Variants in ATP1B3 observed in about 807,000 individuals in gnomAD.
The protein encoded by ATP1B3 is ATPase Na+/K+ transporting subunit beta 3.
In ATP1B3, 10 loss-of-function variants were observed where a neutral mutation model predicts 30.2. That is an observed-to-expected ratio of 0.33 (90% CI 0.20 to 0.56). The LOEUF is 0.56. Among genes scored for constraint, ATP1B3 ranks in the 20% least tolerant of loss-of-function variants. The pLI is 0.90. For missense variants in ATP1B3, 238 were observed against 336.7 expected, an observed-to-expected ratio of 0.71 and a Z score of 2.29; for synonymous variants, 113 against 117.0, an observed-to-expected ratio of 0.97 and a Z score of 0.22.
chr3:141,879,501 G>A (rs1489887758), intron 1 of ATP1B3, among the ~76,000 whole-genome samples: 1 of 151,952 alleles, frequency 6.6e-6, no homozygotes, highest in Non-Finnish European at 1.5e-5. Flanking sequence ...GCCGGGCGCG[G>A]TGGCTCACAC....
intron 3 of ATP1B3, among the ~76,000 whole-genome samples, chr3:141,910,073 G>A (rs983010814): frequency 2.0e-5 from 3 of 152,202 alleles, no homozygotes; most frequent in African/African-American, 7.2e-5. Context: ...CTGGGCTCAA[G>A]TGATCCTCCT....
chr3:141,923,412 C>A (rs1233290960), intron 6 of ATP1B3, among the ~76,000 whole-genome samples: 1 of 152,202 alleles, frequency 6.6e-6, no homozygotes, highest in East Asian at 1.9e-4. Flanking sequence ...TGCCTTGCAC[C>A]ACCTCAGGAC....
At chr3:141,898,961 A>T (rs1287352898) in intron 1 of ATP1B3, among the ~76,000 whole-genome samples, 3 of 152,322 alleles carry the variant, frequency 2.0e-5, no homozygotes, top group Non-Finnish European at 4.4e-5. Context: ...AAAACACCTT[A>T]CATGGAAGAA....
intron 5 of ATP1B3, among the ~76,000 whole-genome samples, chr3:141,921,361 AC>A (rs1665996518): frequency 6.6e-6 from 1 of 152,244 alleles, no homozygotes; most frequent in Admixed American, 6.5e-5. Context: ...GACAAGTAAT[AC>A]TTAATGATTT....
intron 1 of ATP1B3, among the ~76,000 whole-genome samples, chr3:141,882,975 T>G (rs1577955605): frequency 1.3e-5 from 2 of 152,200 alleles, no homozygotes; most frequent in East Asian, 1.9e-4. Context: ...TAAATCTGTG[T>G]TGTTCTCAAG....
Position 141,907,150 on chromosome 3 carries a change from C to T in ATP1B3, c.239-17C>T, listed in dbSNP as rs751307573. ...GAGAAGGAAATTTGATAATCTCTCC[C>T]TTTTATGTCTTTATAGGACTCATGG... On this transcript the variant is annotated splice_polypyrimidine_tract_variant and intron_variant, in intron 2 of 6. Transcript: ENST00000286371. The T allele has an allele frequency of 1.9e-6, 3 of 1,562,340 alleles. No homozygotes were observed. Among genetic ancestry groups the T allele is most frequent in the Middle Eastern group, 1.7e-4 (1 of 5,864 alleles).
intron 1 of ATP1B3, chr3:141,877,536 T>A (rs1577953013): frequency 6.6e-6 from 1 of 152,240 alleles, no homozygotes; most frequent in African/African-American, 2.4e-5. Context: ...GCACTTGAAT[T>A]TGGACAGTGA....
intron 3 of ATP1B3, among the ~76,000 whole-genome samples, chr3:141,910,219 G>A (rs1934335580): frequency 6.6e-6 from 1 of 152,086 alleles, no homozygotes; most frequent in African/African-American, 2.4e-5. Flanking sequence ...TGATCCACCT[G>A]CCTCCGCCTC....
intron 4 of ATP1B3, 94 bp downstream of exon 4, chr3:141,913,930 T>G (rs1934411502): frequency 8.2e-7 from 1 of 1,222,746 alleles, no homozygotes; most frequent in African/African-American, 1.5e-5. Flanking sequence ...GGTTAATGCC[T>G]TCCTTATTAA....
rs571633038 is a variant in ATP1B3 at position 141,916,602 on chromosome 3, C to G, written c.582+582C>G. On this transcript the variant is annotated intron_variant, in intron 5 of 6. Coordinates refer to ENST00000286371, the MANE Select transcript of ATP1B3 (RefSeq NM_001679.4). ...AAGAGTTCTGAGGAGACATTAAGTT[C>G]TAAATTTATCATTGTGCTAAATATT... 96 of 1,251,424 alleles carry G rather than the reference C, an allele frequency of 7.7e-5. No homozygotes were observed. The African/African-American group carries it at 1.0e-3, about 13-fold the overall frequency. 77.5% of individuals were successfully genotyped at this position (1,251,424 alleles called of 1,614,324 possible).
chr3:141,893,209 A>G (rs1933992090), intron 1 of ATP1B3, among the ~76,000 whole-genome samples: 1 of 152,152 alleles, frequency 6.6e-6, no homozygotes, highest in East Asian at 1.9e-4. Context: ...GGGTTTCACC[A>G]TGTTGGCCAA....
chr3:141,915,933 C>A (rs369684231), intron 4 of ATP1B3, 37 bp from the exon 5 acceptor site: 2 of 1,546,794 alleles, frequency 1.3e-6, no homozygotes, highest in African/African-American at 2.7e-5. Flanking sequence ...TGCATACTTA[C>A]GTGAAGTTTA....
rs535982114 is a variant in ATP1B3, at chr3:141,920,528, AAAAAAAG to A, written c.583-1431_583-1425del. Among the ~76,000 whole-genome samples, 218 of 152,184 alleles carry A rather than the reference AAAAAAAG, an allele frequency of 1.4e-3. 1 individual carries two copies. The highest frequency in any genetic ancestry group is 4.2e-3 in the African/African-American group (176 of 41,536). The stretch of plus-strand genomic sequence containing the variant: ...GGCAACAGAGTGAGACTCTGTCTCA[AAAAAAAG>A]AAAAAAGAAAAAAGAAACATACTCC... On this transcript the variant is annotated intron_variant, in intron 5 of 6. Coordinates refer to ENST00000286371, the MANE Select transcript of ATP1B3 (RefSeq NM_001679.4).
chr3:141,902,303 A>T lies in ATP1B3; in HGVS notation c.110-1317A>T, dbSNP rs1165440972. The stretch of plus-strand genomic sequence containing the variant: ...GCTTTAACTATTTCCCCTTTACTTG[A>T]AAAAGGGGGTTGGGGGTGATTCCTG... On this transcript the variant is annotated intron_variant, in intron 1 of 6. Coordinates refer to ENST00000286371, the MANE Select transcript of ATP1B3 (RefSeq NM_001679.4). The T allele has an allele frequency of 2.3e-5, 24 of 1,062,298 alleles. 1 individual carries two copies. In the Admixed American group the frequency reaches 5.1e-4, roughly 23 times the overall value. The allele number at this position is 1,062,298 out of a possible 1,614,324, so 65.8% of individuals were successfully genotyped here.
intron 5 of ATP1B3, among the ~76,000 whole-genome samples, chr3:141,918,080 A>G (rs1051839816): frequency 5.9e-5 from 9 of 152,086 alleles, no homozygotes; most frequent in African/African-American, 2.2e-4. Flanking sequence ...GCTTTTCTTG[A>G]TAAATTCTTC....
In ATP1B3 at chr3:141,889,750, A is replaced by AAAATAT. The variant is rs1553743802; in HGVS notation, c.109+12841_109+12842insAATATA. Among the ~76,000 whole-genome samples the AAAATAT allele has an allele frequency of 1.0e-4, 8 of 79,116 alleles. 2 individuals carry two copies. Among genetic ancestry groups the AAAATAT allele is most frequent in the African/African-American group, 3.8e-4 (8 of 21,054 alleles). The allele number at this position is 79,116 out of a possible 152,430, so 51.9% of individuals were successfully genotyped here. On this transcript the variant is annotated intron_variant, in intron 1 of 6. Transcript: ENST00000286371. Reference sequence around the variant, plus strand: ...TCTCAAAAAAAAAAAAAAAAAAAAAAATATATACACACACACACACACACA... The same window carrying AAAATAT: ...TCTCAAAAAAAAAAAAAAAAAAAAAAAAATATATATATACACACACACACACACACA...
chr3:141,897,494 A>G (rs963332849), intron 1 of ATP1B3, among the ~76,000 whole-genome samples: 3 of 152,194 alleles, frequency 2.0e-5, no homozygotes, highest in East Asian at 1.9e-4. Flanking sequence ...AGAAAAGACA[A>G]TAGAGCTTGA....
chr3:141,901,301 AC>A (rs1183667580), intron 1 of ATP1B3, among the ~76,000 whole-genome samples: 2 of 152,216 alleles, frequency 1.3e-5, no homozygotes, highest in African/African-American at 4.8e-5. Context: ...TCAGCAAACT[AC>A]ATCTGAGTAA....
intron 1 of ATP1B3, among the ~76,000 whole-genome samples, chr3:141,883,708 A>G (rs1933778256): frequency 6.6e-6 from 1 of 152,222 alleles, no homozygotes; most frequent in Non-Finnish European, 1.5e-5. Flanking sequence ...AATGAGCAGT[A>G]CTATGAATGT....
Sources: gnomAD v4.1 joint callset for allele counts (sites outside exome capture counted in the v4.1 genomes callset) on GRCh38, gnomAD v4.1.1 for gene constraint, MANE v1.5 for transcripts, NCBI Gene and HGNC (gene_info 2026-07-23, HGNC 2026-07-21) for gene names.